LAMB1: variants seen among roughly 807,000 people sequenced by gnomAD.
LAMB1 encodes laminin subunit beta-1.
LAMB1 carries 121 observed loss-of-function variants against 222.3 expected under a neutral mutation model. That is an observed-to-expected ratio of 0.54 (90% CI 0.47 to 0.63). The LOEUF (loss-of-function observed/expected upper bound fraction) is 0.63. Ranked by LOEUF, LAMB1 falls within the 30% of genes least tolerant of loss-of-function variation. The pLI is 0.00. For synonymous variants in LAMB1, 794 were observed against 807.2 expected, an observed-to-expected ratio of 0.98 and a Z score of 0.28; for missense variants, 2,172 against 2,240.8, an observed-to-expected ratio of 0.97 and a Z score of 0.62.
At chr7:107,932,418 G>A (rs895182463) in intron 27 of LAMB1, 41 bp from the exon 28 acceptor site, 2 of 1,600,534 alleles carry the variant, frequency 1.2e-6, no homozygotes, top group Non-Finnish European at 1.7e-6. Flanking sequence ...TTCGGATAGT[G>A]AATCTGCTGC....
Position 107,975,378 on chromosome 7 carries a change from C to T in LAMB1, c.1225G>A (p.Gly409Arg). 6.2e-7 allele frequency: 1 copy of T among 1,613,422 alleles called. No homozygotes were observed. Among genetic ancestry groups the T allele is most frequent in the Non-Finnish European group, 8.5e-7 (1 of 1,179,846 alleles). ...AAATCAGTATAGCTGTCACAAATTC[C>T]CTCATTTTGAGAGCCAGCTGGGTCA... ...TCDPAGSQNE[G>R]ICDSYTDFST... The change falls in exon 11 of 34, where the codon GGA becomes AGA. Residue 409 changes from glycine to arginine, a missense_variant. Coordinates refer to ENST00000222399, the MANE Select transcript of LAMB1 (RefSeq NM_002291.3).
intron 24 of LAMB1, among the ~76,000 whole-genome samples, chr7:107,948,130 G>T (rs543175037): frequency 1.3e-5 from 2 of 152,016 alleles, no homozygotes; most frequent in South Asian, 2.1e-4. Flanking sequence ...GGGATTATAG[G>T]TGTGCGCCAT....
At chr7:107,932,133 C>T in intron 28 of LAMB1, 41 bp downstream of exon 28, 12 of 1,577,324 alleles carry the variant, frequency 7.6e-6, no homozygotes, top group Non-Finnish European at 1.0e-5. Flanking sequence ...CAGCTGAAAG[C>T]AAACATACAT....
At chr7:107,941,873 C>T (rs1000143315) in intron 24 of LAMB1, among the ~76,000 whole-genome samples, 1 of 109,910 alleles carries the variant, frequency 9.1e-6, no homozygotes, top group Non-Finnish European at 1.7e-5. Flanking sequence ...GACGGTGTTT[C>T]TCCATGTTGG....
In LAMB1 at chr7:108,001,938, G is replaced by A. The variant is rs572556010; in HGVS notation, c.38-205C>T. On this transcript the variant is annotated intron_variant, in intron 2 of 33. Transcript: ENST00000222399. ...CTCCGAAAGGAGAAGGACACGGAAA[G>A]AAACCCACACACGTCATCAGGTCTG... 2.9e-4 allele frequency: 426 copies of A among 1,455,868 alleles called. 2 individuals are homozygous for A. In the African/African-American group the frequency reaches 5.6e-3, roughly 19 times the overall value. The allele number at this position is 1,455,868 out of a possible 1,614,324, so 90.2% of individuals were successfully genotyped here. A position where few individuals can be genotyped will look rare whatever the true frequency, so the allele number is the denominator to read the frequency against.
intron 14 of LAMB1, 108 bp from the exon 15 acceptor site, chr7:107,963,171 C>T: frequency 9.8e-7 from 1 of 1,017,284 alleles, no homozygotes; most frequent in Middle Eastern, 2.9e-4. Context: ...GGGTGGCTAC[C>T]TTATGTCTAT....
rs1268707905 is a variant in LAMB1, at chr7:107,978,232, A to C, written c.880-65T>G. 3.9e-6 allele frequency: 6 copies of C among 1,554,112 alleles called. No individual in the cohort carries two copies. The Admixed American group carries it at 1.1e-4, about 28-fold the overall frequency. ...TGTATGAATAGCCACGTTTCTCCATAATCAATTGAAAGTTTAAAACCCTTT... is the reference window on the plus strand; with the variant it reads ...TGTATGAATAGCCACGTTTCTCCATCATCAATTGAAAGTTTAAAACCCTTT... On this transcript the variant is annotated intron_variant, in intron 8 of 33. Transcript: ENST00000222399.
At chr7:107,965,287 A>G (rs996495818) in intron 13 of LAMB1, among the ~76,000 whole-genome samples, 5 of 152,226 alleles carry the variant, frequency 3.3e-5, no homozygotes, top group African/African-American at 1.2e-4. Flanking sequence ...TATGCTAAAT[A>G]TAAGAAATGC....
intron 5 of LAMB1, among the ~76,000 whole-genome samples, chr7:107,993,919 C>G (rs1347589043): frequency 1.3e-5 from 2 of 152,192 alleles, no homozygotes; most frequent in African/African-American, 2.4e-5. Context: ...CTCAGAGGCA[C>G]AGCCCAGCAT....
At chr7:107,985,515 G>C (rs1274564898) in intron 7 of LAMB1, among the ~76,000 whole-genome samples, 1 of 152,118 alleles carries the variant, frequency 6.6e-6, no homozygotes, top group Non-Finnish European at 1.5e-5. Flanking sequence ...TGTAATCCCA[G>C]CTACTCGGGA....
At chr7:107,950,923 G>GGT (rs57060477) in intron 24 of LAMB1, among the ~76,000 whole-genome samples, 6,774 of 147,710 alleles carry the variant, frequency 0.046, 173 homozygotes, top group Middle Eastern at 0.083. Flanking sequence ...GTGTATTTGT[G>GGT]GTGTGTGTGT....
intron 12 of LAMB1, among the ~76,000 whole-genome samples, chr7:107,973,976 A>G (rs912496313): frequency 6.6e-6 from 1 of 152,082 alleles, no homozygotes; most frequent in African/African-American, 2.4e-5. Context: ...AAAATTTTAG[A>G]GATGGGGTCT....
At chr7:107,985,950 T>A (rs2034067796) in intron 7 of LAMB1, 72 bp downstream of exon 7, 1 of 1,217,968 alleles carries the variant, frequency 8.2e-7, no homozygotes, top group Non-Finnish European at 1.2e-6. Context: ...AGAGCGGAAC[T>A]CTGTCTCAAA....
At position 107,999,417 on chromosome 7, in the gene LAMB1, T is replaced by G. The variant is rs151247711; in HGVS notation, c.214-925A>C. Reference sequence around the variant, plus strand: ...AAAATGAGGCTAAGACTGAAATACATAGAGACCCACATGTATGTTACAAAC... The same window carrying G: ...AAAATGAGGCTAAGACTGAAATACAGAGAGACCCACATGTATGTTACAAAC... On this transcript the variant is annotated intron_variant, in intron 3 of 33. Coordinates refer to ENST00000222399, the MANE Select transcript of LAMB1 (RefSeq NM_002291.3). Among the ~76,000 whole-genome samples the G allele has an allele frequency of 3.4e-3, 518 of 152,296 alleles. 2 individuals carry two copies. Among genetic ancestry groups the G allele is most frequent in the African/African-American group, 0.012 (494 of 41,558 alleles).
chr7:107,949,220 G>A (rs925663074), intron 24 of LAMB1, among the ~76,000 whole-genome samples: 12 of 152,208 alleles, frequency 7.9e-5, no homozygotes, highest in Non-Finnish European at 7.3e-5. Context: ...ATTTAGAGGC[G>A]AAAGTTTAAA....
chr7:108,002,224 C>G (rs768023458), intron 2 of LAMB1: 6 of 1,339,744 alleles, frequency 4.5e-6, no homozygotes, highest in Non-Finnish European at 5.9e-6. Context: ...AGTGCGTGTG[C>G]GTGCACGCGC....
intron 18 of LAMB1, 114 bp from the exon 19 acceptor site, chr7:107,959,948 T>A: frequency 7.3e-7 from 1 of 1,362,824 alleles, no homozygotes; most frequent in Non-Finnish European, 9.8e-7. Context: ...TTTAAAACAG[T>A]ATCATCCCTA....
intron 5 of LAMB1, among the ~76,000 whole-genome samples, chr7:107,993,285 CACCACGCCTGGCTAATTTT>C (rs1254046347): frequency 1.3e-5 from 2 of 152,166 alleles, no homozygotes; most frequent in Admixed American, 6.5e-5. Context: ...AGGCGCGTGC[CACCACGCCTGGCTAATTTT>C]TGTATTTTCA....
chr7:107,924,829 T>TA (rs2032522584), intron 32 of LAMB1, among the ~76,000 whole-genome samples: 1 of 151,954 alleles, frequency 6.6e-6, no homozygotes, highest in Non-Finnish European at 1.5e-5. Context: ...AAACAAAAGA[T>TA]ACAGGAAGGA....
Sources: allele counts gnomAD v4.1 joint callset (sites outside exome capture counted in the v4.1 genomes callset), GRCh38; gene constraint gnomAD v4.1.1; transcripts MANE v1.5; gene names NCBI Gene and HGNC (gene_info 2026-07-23, HGNC 2026-07-21).